GYPC: variants seen among roughly 807,000 people sequenced by gnomAD.
GYPC encodes the protein glycophorin-C.
GYPC carries 14 observed loss-of-function variants against 12.6 expected under a neutral mutation model. That is an observed-to-expected ratio of 1.11 (90% confidence interval 0.74 to 1.74). The LOEUF (loss-of-function observed/expected upper bound fraction) is 1.74, where lower values mean the gene tolerates loss of function less well. Ranked by LOEUF, GYPC falls within the 40% of genes most tolerant of loss-of-function variation. The pLI, the probability that GYPC is intolerant of heterozygous loss-of-function variation, is 0.00. For missense variants in GYPC, 225 were observed against 172.1 expected, an observed-to-expected ratio of 1.31 and a Z score of -1.72; for synonymous variants, 78 against 62.1, an observed-to-expected ratio of 1.26 and a Z score of -1.20.
At chr2:126,660,236 C>T (rs1682499159) in intron 1 of GYPC, among the ~76,000 whole-genome samples, 1 of 152,240 alleles carries the variant, frequency 6.6e-6, no homozygotes, top group African/African-American at 2.4e-5. Flanking sequence ...TCAGCCGGGC[C>T]TGTGTCCCAC....
At chr2:126,680,884 C>CCTGA (rs1266506018) in intron 1 of GYPC, among the ~76,000 whole-genome samples, 1 of 152,180 alleles carries the variant, frequency 6.6e-6, no homozygotes, top group Non-Finnish European at 1.5e-5. Flanking sequence ...CCAACAACAG[C>CCTGA]CTGACGCCTG....
chr2:126,659,780 C>CT (rs1203132482), intron 1 of GYPC, among the ~76,000 whole-genome samples: 2,475 of 137,858 alleles, frequency 0.018, 32 homozygotes, highest in African/African-American at 0.031. Context: ...TCTTTCTTTT[C>CT]TTTTTTTTTT....
intron 1 of GYPC, among the ~76,000 whole-genome samples, chr2:126,673,971 G>A (rs997390368): frequency 4.6e-5 from 7 of 152,176 alleles, no homozygotes; most frequent in African/African-American, 1.7e-4. Context: ...CAGGACTGTG[G>A]TGCCTTGTCC....
At chr2:126,680,535 A>C (rs1683124614) in intron 1 of GYPC, 2 of 152,192 alleles carry the variant, frequency 1.3e-5, no homozygotes, top group Non-Finnish European at 2.9e-5. Context: ...CTCGAGAAGC[A>C]AAGTCTGTGG....
chr2:126,689,750 G>T (rs1208023809), intron 1 of GYPC, among the ~76,000 whole-genome samples: 1 of 152,168 alleles, frequency 6.6e-6, no homozygotes, highest in Non-Finnish European at 1.5e-5. Flanking sequence ...GCCCTCACCA[G>T]ATGCAGCTGC....
rs544288183 is a variant in GYPC, at chr2:126,659,464, C to G, written c.49+3152C>G. 7.9e-4 allele frequency among the ~76,000 whole-genome samples: 120 copies of G among 152,324 alleles called. 1 individual carries two copies. Among genetic ancestry groups the G allele is most frequent in the African/African-American group, 2.8e-3 (115 of 41,558 alleles). On this transcript the variant is annotated intron_variant, in intron 1 of 3. Transcript: ENST00000259254. ...TTGGGAGAGAGAGGAAATACCTCAG[C>G]ACCTCAGTTTTCCCATCTGTGAGTG... is the stretch of plus-strand genomic sequence containing the variant.
intron 1 of GYPC, among the ~76,000 whole-genome samples, chr2:126,682,049 T>C (rs992711552): frequency 6.6e-6 from 1 of 151,824 alleles, no homozygotes; most frequent in Non-Finnish European, 1.5e-5. Flanking sequence ...GGACTGGAAA[T>C]AGGTGTGTCC....
At chr2:126,664,139 T>C (rs1037927075) in intron 1 of GYPC, among the ~76,000 whole-genome samples, 1 of 152,142 alleles carries the variant, frequency 6.6e-6, no homozygotes, top group Non-Finnish European at 1.5e-5. Flanking sequence ...AAACTTCTCA[T>C]TTTAGCGAAA....
At chr2:126,675,574 A>G (rs1391093999) in intron 1 of GYPC, 3 of 333,714 alleles carry the variant, frequency 9.0e-6, no homozygotes, top group South Asian at 1.2e-4. Context: ...GTAGCTTCAA[A>G]GTGCTATTCT....
intron 1 of GYPC, among the ~76,000 whole-genome samples, chr2:126,656,962 TC>T (rs1184330910): frequency 6.6e-6 from 1 of 152,214 alleles, no homozygotes; most frequent in Non-Finnish European, 1.5e-5. Flanking sequence ...TCTGCCCTCT[TC>T]CTCTGCCGTT....
At chr2:126,661,308 C>A (rs1682529337) in intron 1 of GYPC, among the ~76,000 whole-genome samples, 2 of 152,254 alleles carry the variant, frequency 1.3e-5, no homozygotes, top group African/African-American at 4.8e-5. Context: ...AGACTTGCTG[C>A]CAACCTGCCT....
At chr2:126,660,526 T>C (rs1682506593) in intron 1 of GYPC, among the ~76,000 whole-genome samples, 1 of 152,164 alleles carries the variant, frequency 6.6e-6, no homozygotes, top group South Asian at 2.1e-4. Context: ...TGGGCACAGT[T>C]TGCAGCCCTG....
intron 1 of GYPC, among the ~76,000 whole-genome samples, chr2:126,669,235 G>A (rs549158513): frequency 1.3e-5 from 2 of 152,320 alleles, no homozygotes; most frequent in East Asian, 3.9e-4. Context: ...GAAGAACAGT[G>A]CTGATGTCCA....
At chr2:126,689,006 A>G (rs568576778) in intron 1 of GYPC, among the ~76,000 whole-genome samples, 23 of 152,330 alleles carry the variant, frequency 1.5e-4, no homozygotes, top group South Asian at 1.0e-3. Context: ...TCCCAGAGGA[A>G]AGAAGGCATT....
At chr2:126,666,708 TA>T (rs1682689051) in intron 1 of GYPC, among the ~76,000 whole-genome samples, 4 of 118,542 alleles carry the variant, frequency 3.4e-5, no homozygotes, top group Admixed American at 8.4e-5. Flanking sequence ...CCTCCCTCCC[TA>T]CACACACACA....
Position 126,696,213 on chromosome 2 carries a change from C to G in GYPC, c.*71C>G. ...AGGAAAAATACACCCCATCGCCCAG[C>G]ACCCCTGCTGATACCACCAGACAGA... On this transcript the variant is annotated 3_prime_UTR_variant, in exon 4 of 4. Transcript: ENST00000259254. The G allele has an allele frequency of 9.0e-7, 1 of 1,106,760 alleles. No homozygotes were observed. The highest frequency in any genetic ancestry group is 1.5e-5 in the African/African-American group (1 of 64,822). The allele number at this position is 1,106,760 out of a possible 1,614,324, so 68.6% of individuals were successfully genotyped here.
At chr2:126,682,881 G>A (rs921597601) in intron 1 of GYPC, among the ~76,000 whole-genome samples, 6 of 152,274 alleles carry the variant, frequency 3.9e-5, no homozygotes, top group Middle Eastern at 3.4e-3. Flanking sequence ...AGACGTAAGA[G>A]CCACTAGAAT....
intron 1 of GYPC, among the ~76,000 whole-genome samples, chr2:126,664,345 C>T (rs1450816202): frequency 6.6e-6 from 1 of 152,094 alleles, no homozygotes; most frequent in Non-Finnish European, 1.5e-5. Flanking sequence ...CTGGCAGCCC[C>T]AGGGAGGTAT....
At position 126,656,546 on chromosome 2, in the gene GYPC, G is replaced by T. The variant is rs527983808; in HGVS notation, c.49+234G>T. 2.0e-5 allele frequency among the ~76,000 whole-genome samples: 3 copies of T among 152,368 alleles called. No homozygotes were observed. The East Asian group carries it at 5.8e-4, about 29-fold the overall frequency. On this transcript the variant is annotated intron_variant, in intron 1 of 3. Coordinates refer to ENST00000259254, the MANE Select transcript of GYPC (RefSeq NM_002101.5). ...GGACCCCTACGCGCAGCCTCCACGCGCTCCGAGCTGGAGAAGCCGCCAGCC... is the reference window on the plus strand; with the variant it reads ...GGACCCCTACGCGCAGCCTCCACGCTCTCCGAGCTGGAGAAGCCGCCAGCC...
Sources: gnomAD v4.1 joint callset for allele counts (sites outside exome capture counted in the v4.1 genomes callset) on GRCh38, gnomAD v4.1.1 for gene constraint, MANE v1.5 for transcripts, NCBI Gene and HGNC (gene_info 2026-07-23, HGNC 2026-07-21) for gene names.